The following C1GALT1 variants were observed in gnomAD, a reference collection of about 807,000 sequenced individuals.
C1GALT1 encodes glycoprotein-N-acetylgalactosamine 3-beta-galactosyltransferase 1.
C1GALT1 carries 11 observed loss-of-function variants against 31.0 expected under a neutral mutation model. That is an observed-to-expected ratio of 0.36 (90% CI 0.22 to 0.59). The LOEUF (loss-of-function observed/expected upper bound fraction) is 0.59, where lower values mean the gene tolerates loss of function less well. C1GALT1 is among the 20% of genes least tolerant of loss of function. The probability of loss-of-function intolerance (pLI) is 0.79; values close to 1 mark genes in which losing one functional copy is unlikely to be tolerated. For synonymous variants in C1GALT1, 175 were observed against 143.6 expected (o/e 1.22, Z -1.56); for missense variants, 424 against 425.2 (o/e 1.00, Z 0.03).
upstream of C1GALT1, among the ~76,000 whole-genome samples, chr7:7,179,017 T>C (rs940287528): frequency 1.1e-4 from 16 of 152,162 alleles, no homozygotes; most frequent in Admixed American, 1.0e-3. Context: ...GCCTGAAGGG[T>C]TGGAGGATCT....
At chr7:7,228,673 A>T (rs1782920336) in intron 1 of C1GALT1, among the ~76,000 whole-genome samples, 1 of 152,206 alleles carries the variant, frequency 6.6e-6, no homozygotes, top group South Asian at 2.1e-4. Flanking sequence ...TTGGAAGGGA[A>T]TGTGGTAAAC....
Position 7,247,393 on chromosome 7 carries a change from A to C in C1GALT1, c.*3666A>C, listed in dbSNP as rs1783888736. 6.6e-6 allele frequency: 1 copy of C among 152,136 alleles called. No homozygotes were observed. The highest frequency in any genetic ancestry group is 2.1e-4 in the South Asian group (1 of 4,836). The allele number at this position is 152,136 out of a possible 1,614,324, so 9.4% of individuals were successfully genotyped here. A position where few individuals can be genotyped will look rare whatever the true frequency, so the allele number is the denominator to read the frequency against. On this transcript the variant is annotated 3_prime_UTR_variant, in exon 4 of 4. Transcript: ENST00000436587. ...CTAGTGGGAAGTTCATAGATAAAGC[A>C]GATTTTTGTCCCAGTTTGCTTTCAA...
chr7:7,247,502 G>T lies in C1GALT1; in HGVS notation c.*3775G>T, dbSNP rs1783892432. The T allele has an allele frequency of 6.6e-6, 1 of 152,122 alleles. No homozygotes were observed. Among genetic ancestry groups the T allele is most frequent in the Non-Finnish European group, 1.5e-5 (1 of 67,970 alleles). 9.4% of individuals were successfully genotyped at this position (152,122 alleles called of 1,614,324 possible). A position where few individuals can be genotyped will look rare whatever the true frequency, so the allele number is the denominator to read the frequency against. On this transcript the variant is annotated 3_prime_UTR_variant, in exon 4 of 4. Transcript: ENST00000436587. ...CAGCTCTTAATATTTTTTGAATACAGAATTGGATTTGAGCAGTAAATTTGC... is the reference window on the plus strand; with the variant it reads ...CAGCTCTTAATATTTTTTGAATACATAATTGGATTTGAGCAGTAAATTTGC...
chr7:7,166,158 C>G (rs1780390850), intron 2 of C1GALT1, among the ~76,000 whole-genome samples: 1 of 152,068 alleles, frequency 6.6e-6, no homozygotes, highest in Non-Finnish European at 1.5e-5. Context: ...AACCAAGACT[C>G]AGGGAGAATA....
At chr7:7,169,826 T>C (rs73335338) in intron 2 of C1GALT1, among the ~76,000 whole-genome samples, 1,540 of 152,346 alleles carry the variant, frequency 0.01, 28 homozygotes, top group African/African-American at 0.036. Flanking sequence ...TTTTTTGTGA[T>C]GTCTTTATCT....
chr7:7,220,800 G>A (rs968844882), intron 1 of C1GALT1, among the ~76,000 whole-genome samples: 2 of 152,180 alleles, frequency 1.3e-5, no homozygotes, highest in Admixed American at 1.3e-4. Context: ...GATTACAGGT[G>A]CGCCCAGCCC....
intron 1 of C1GALT1, among the ~76,000 whole-genome samples, chr7:7,184,852 A>C (rs1489272145): frequency 2.0e-5 from 3 of 152,248 alleles, no homozygotes; most frequent in African/African-American, 7.2e-5. Context: ...GCAAGGCTGA[A>C]AGAAAGGTAT....
chr7:7,225,594 G>C (rs1782722286), intron 1 of C1GALT1, among the ~76,000 whole-genome samples: 1 of 152,206 alleles, frequency 6.6e-6, no homozygotes, highest in Non-Finnish European at 1.5e-5. Flanking sequence ...GGAAAACACT[G>C]TATGGGTTAA....
intron 1 of C1GALT1, among the ~76,000 whole-genome samples, chr7:7,194,114 C>T (rs1483463208): frequency 6.6e-6 from 1 of 152,066 alleles, no homozygotes; most frequent in African/African-American, 2.4e-5. Context: ...ATCATATCAT[C>T]AGCAAACAGC....
chr7:7,238,309 G>C lies in C1GALT1; in HGVS notation c.275G>C (p.Trp92Ser). Reference sequence around the variant, plus strand: ...TATCAGAAAGTTAGAATTCTTTGCTGGGTTATGACCGGCCCTCAAAACCTA... The same window carrying C: ...TATCAGAAAGTTAGAATTCTTTGCTCGGTTATGACCGGCCCTCAAAACCTA... Reference protein sequence around the residue: ...NLYQKVRILCWVMTGPQNLEK... With the variant: ...NLYQKVRILCSVMTGPQNLEK... Residue 92 changes from tryptophan to serine, a missense_variant, in exon 3 of 4, where the codon TGG becomes TCG. Around this residue, in one of 3 missense-constraint regions of C1GALT1, gnomAD observed 189 missense variants for 158.2 expected, o/e 1.19. Transcript: ENST00000436587. This position sits in a 1 kb window ranked among gnomAD's most constrained non-coding sequence, Gnocchi z 5.2. 6.2e-7 allele frequency: 1 copy of C among 1,612,700 alleles called. No homozygotes were observed. The highest frequency in any genetic ancestry group is 8.5e-7 in the Non-Finnish European group (1 of 1,179,644).
chr7:7,163,981 G>A (rs1015521096), intron 2 of C1GALT1, among the ~76,000 whole-genome samples: 2 of 152,000 alleles, frequency 1.3e-5, no homozygotes, highest in African/African-American at 4.8e-5. Flanking sequence ...AAGTTCATAT[G>A]GAACCAAAAA....
intron 2 of C1GALT1, among the ~76,000 whole-genome samples, chr7:7,158,729 G>A (rs561051353): frequency 3.6e-4 from 55 of 151,622 alleles, no homozygotes; most frequent in African/African-American, 1.3e-3. Context: ...ACTCATATAC[G>A]CATATATGAC....
At chr7:7,167,990 G>A (rs1780416426) in intron 2 of C1GALT1, among the ~76,000 whole-genome samples, 1 of 152,100 alleles carries the variant, frequency 6.6e-6, no homozygotes, top group South Asian at 2.1e-4. Flanking sequence ...TTCTTTCTTA[G>A]AGAAATTCTG....
chr7:7,233,444 A>T (rs563779562), intron 1 of C1GALT1, among the ~76,000 whole-genome samples: 1 of 152,102 alleles, frequency 6.6e-6, no homozygotes, highest in African/African-American at 2.4e-5. Flanking sequence ...CTGCAGGCAT[A>T]TGCCACCATG....
At chr7:7,181,605 A>G (rs1451310309), upstream of C1GALT1, among the ~76,000 whole-genome samples, 2 of 152,204 alleles carry the variant, frequency 1.3e-5, no homozygotes. Flanking sequence ...AATGTATATT[A>G]TTATTTGTCT....
chr7:7,243,905 A>G lies in C1GALT1; in HGVS notation c.*178A>G, dbSNP rs771140055. 16 of 478,548 alleles carry G rather than the reference A, an allele frequency of 3.3e-5. No individual in the cohort carries two copies. Among genetic ancestry groups the G allele is most frequent in the Non-Finnish European group, 5.5e-5 (15 of 274,084 alleles). The allele number at this position is 478,548 out of a possible 1,614,324, so 29.6% of individuals were successfully genotyped here. On this transcript the variant is annotated 3_prime_UTR_variant, in exon 4 of 4. Transcript: ENST00000436587. ...CTTTAAATGAGCTGTGAAGTGTGTT[A>G]AAATGTGTTTTGATACAGTAATATA... is the stretch of plus-strand genomic sequence containing the variant.
intron 2 of C1GALT1, among the ~76,000 whole-genome samples, chr7:7,162,821 G>T (rs552630882): frequency 6.6e-6 from 1 of 152,180 alleles, no homozygotes; most frequent in Admixed American, 6.5e-5. Flanking sequence ...ACTGGTGTGA[G>T]ATGGTATCTC....
chr7:7,232,816 C>T (rs2128248203), intron 1 of C1GALT1, among the ~76,000 whole-genome samples: 1 of 152,216 alleles, frequency 6.6e-6, no homozygotes, highest in African/African-American at 2.4e-5. Context: ...AGCACACAGA[C>T]CTACATTCAA....
At chr7:7,234,880 C>T in intron 2 of C1GALT1, 1 of 164,466 alleles carries the variant, frequency 6.1e-6, no homozygotes. Flanking sequence ...ATAGCTTTTG[C>T]TTAAGTCTTG....
Sources: allele counts gnomAD v4.1 joint callset (sites outside exome capture counted in the v4.1 genomes callset), GRCh38; gene constraint gnomAD v4.1.1; regional missense constraint gnomAD v4.1.1; non-coding constraint Gnocchi (gnomAD v3.1); transcripts MANE v1.5; gene names NCBI Gene and HGNC (gene_info 2026-07-23, HGNC 2026-07-21).